The following TTBK1 variants were observed in gnomAD, a reference collection of about 807,000 sequenced individuals.
TTBK1 encodes the protein tau tubulin kinase 1.
TTBK1 carries 34 observed loss-of-function variants against 108.5 expected under a neutral mutation model. The ratio of observed to expected loss-of-function variants is 0.31; its 90% CI spans 0.24 to 0.42. The LOEUF is 0.42. Ranked by LOEUF, TTBK1 falls within the 10% of genes least tolerant of loss-of-function variation. The probability of loss-of-function intolerance (pLI) is 1.00; values close to 1 mark genes in which losing one functional copy is unlikely to be tolerated. For synonymous variants in TTBK1, 809 were observed against 795.1 expected, an observed-to-expected ratio of 1.02 and a Z score of -0.29; for missense variants, 1,539 against 1,826.0, an observed-to-expected ratio of 0.84 and a Z score of 2.86.
In TTBK1 at chr6:43,283,934, C is replaced by T. The variant is rs764477442; in HGVS notation, c.3194C>T (p.Thr1065Met). The change falls in exon 14 of 15, where the codon ACG becomes ATG. Residue 1065 changes from threonine (T) to methionine (M), a missense_variant. Thr to Met is a moderately conservative substitution (Grantham distance 81). Transcript: ENST00000259750. This position sits in a 1 kb window ranked among gnomAD's most constrained non-coding sequence, Gnocchi z 8.1. The stretch of plus-strand genomic sequence containing the variant: ...CCTGTCCTGCTCTCTGAGGAGGACA[C>T]GGGCTCGGAGCCCTCAGGCTCACTG... ...RIPVLLSEEDTGSEPSGSLSA... is the reference protein window; with the variant it reads ...RIPVLLSEEDMGSEPSGSLSA... 87 of 1,612,692 alleles carry T rather than the reference C, an allele frequency of 5.4e-5. No homozygotes were observed. Among genetic ancestry groups the T allele is most frequent in the Middle Eastern group, 1.6e-4 (1 of 6,082 alleles).
chr6:43,254,136 A>G (rs1777322292), intron 5 of TTBK1, among the ~76,000 whole-genome samples: 1 of 152,216 alleles, frequency 6.6e-6, no homozygotes, highest in African/African-American at 2.4e-5. Flanking sequence ...ACTTAAAGAG[A>G]TGAAAACTGA....
At chr6:43,284,860 G>A (rs1778316194) in intron 14 of TTBK1, 123 bp from the exon 15 acceptor site, 1 of 1,369,600 alleles carries the variant, frequency 7.3e-7, no homozygotes, top group Non-Finnish European at 9.4e-7. Context: ...CTGTGCCATG[G>A]TCTCAGTCTC....
Position 43,283,627 on chromosome 6 carries a change from G to C in TTBK1, c.2887G>C (p.Glu963Gln), listed in dbSNP as rs535038564. 1.8e-4 allele frequency: 286 copies of C among 1,614,116 alleles called. 7 individuals carry two copies. The Middle Eastern group carries it at 2.5e-3, about 14-fold the overall frequency. ...EFSAGGELGL[E>Q]LASDGGAVEE... The stretch of plus-strand genomic sequence containing the variant: ...CAGCGCTGGGGGCGAGCTGGGTCTG[G>C]AGCTGGCCTCTGATGGGGGCGCTGT... Residue 963 changes from glutamate (E) to glutamine (Q), a missense_variant, in exon 14 of 15, where the codon GAG becomes CAG. Glu to Gln is a conservative substitution (Grantham distance 29). This residue lies in a region of TTBK1 where 1,055 missense variants were observed against 1,086.5 expected (regional missense o/e 0.97). Coordinates refer to ENST00000259750, the MANE Select transcript of TTBK1 (RefSeq NM_032538.3). This position sits in a 1 kb window ranked among gnomAD's most constrained non-coding sequence, Gnocchi z 8.1.
intron 2 of TTBK1, among the ~76,000 whole-genome samples, chr6:43,249,671 G>T (rs113461790): frequency 0.059 from 8,892 of 151,894 alleles, 336 homozygotes; most frequent in Admixed American, 0.086. Flanking sequence ...CTGCCTCCCA[G>T]ATTCAAGCAA....
chr6:43,248,858 C>A (rs563942933), intron 2 of TTBK1, among the ~76,000 whole-genome samples: 1 of 152,246 alleles, frequency 6.6e-6, no homozygotes, highest in Admixed American at 6.5e-5. Context: ...TTGAGGGGTG[C>A]TTCTCAGAAT....
Position 43,269,596 on chromosome 6 carries a change from T to G in TTBK1, c.1986+6246T>G, listed in dbSNP as rs1777770996. The G allele has an allele frequency of 6.4e-7, 1 of 1,561,088 alleles. No homozygotes were observed. Among genetic ancestry groups the G allele is most frequent in the Non-Finnish European group, 8.7e-7 (1 of 1,150,094 alleles). ...TGGCCCCGGAGACGGAGCTGTCGAG[T>G]CTGTGCCTGACACCTCTTTTCCCTC... On this transcript the variant is annotated intron_variant, in intron 13 of 14. Transcript: ENST00000259750. The surrounding 1 kb of genome is among the most constrained non-coding windows in gnomAD (Gnocchi z 4.8).
chr6:43,274,149 A>G (rs1343287113), intron 13 of TTBK1, among the ~76,000 whole-genome samples: 2 of 152,168 alleles, frequency 1.3e-5, no homozygotes, highest in African/African-American at 4.8e-5. Flanking sequence ...ATAACTCAAT[A>G]TACATCCCCC....
intron 7 of TTBK1, 86 bp from the exon 8 acceptor site, chr6:43,255,466 G>A: frequency 7.7e-7 from 1 of 1,292,196 alleles, no homozygotes; most frequent in Non-Finnish European, 1.1e-6. Context: ...AGGCCTCCCT[G>A]ACAGATGCCC....
chr6:43,270,696 C>T (rs779345725), intron 13 of TTBK1: 6 of 985,242 alleles, frequency 6.1e-6, no homozygotes, highest in African/African-American at 1.7e-5. Context: ...TGTCTGTCCT[C>T]GGCTCCTCAG....
chr6:43,258,062 A>T, intron 10 of TTBK1, 96 bp downstream of exon 10: 1 of 1,388,762 alleles, frequency 7.2e-7, no homozygotes, highest in Non-Finnish European at 9.6e-7. Flanking sequence ...ATCTGGACAC[A>T]CTTGGCTATC....
Position 43,285,199 on chromosome 6 carries a change from G to A in TTBK1, c.3789G>A (p.Ser1263=). The A allele has an allele frequency of 2.2e-6, 3 of 1,338,522 alleles. No homozygotes were observed. The highest frequency in any genetic ancestry group is 4.0e-5 in the South Asian group (2 of 49,948). The allele number at this position is 1,338,522 out of a possible 1,614,324, so 82.9% of individuals were successfully genotyped here. The part of the protein sequence containing the change: ...SLSRRESPSP[S]HQARPGVPPP... The stretch of plus-strand genomic sequence containing the variant: ...CCCGCAGAGAGAGCCCCTCCCCCTC[G>A]CACCAGGCCCGGCCCGGGGTCCCCC... Residue 1263 remains serine (S), a synonymous_variant, in exon 15 of 15, where the codon TCG becomes TCA. Transcript: ENST00000259750. This position sits in a 1 kb window ranked among gnomAD's most constrained non-coding sequence, Gnocchi z 4.7.
rs1562086801 is a variant in TTBK1 at position 43,259,087 on chromosome 6, G to A, written c.1066G>A (p.Glu356Lys). Residue 356 changes from glutamate to lysine, a missense_variant, in exon 11 of 15, where the codon GAG becomes AAG. Physicochemically the swap from Glu to Lys is moderately conservative, Grantham distance 56. This residue lies in a region of TTBK1 where 277 missense variants were observed against 332.4 expected (regional missense o/e 0.83). Transcript: ENST00000259750. The surrounding 1 kb of genome is among the most constrained non-coding windows in gnomAD (Gnocchi z 6.7). ...VPGDLLRENT[E>K]DVLQGEHLSD... ...TGGGGACCTGCTCCGGGAGAACACC[G>A]AGGATGTGCTACAGGGAGAGCACCT... 9 of 1,614,044 alleles carry A rather than the reference G, an allele frequency of 5.6e-6. No individual in the cohort carries two copies. Among genetic ancestry groups the A allele is most frequent in the Non-Finnish European group, 7.6e-6 (9 of 1,179,954 alleles).
In TTBK1 at chr6:43,253,421, A is replaced by G. The variant is rs1489162353; in HGVS notation, c.330+57A>G. The G allele has an allele frequency of 2.1e-5, 34 of 1,607,710 alleles. No individual in the cohort carries two copies. The highest frequency in any genetic ancestry group is 2.8e-5 in the Non-Finnish European group (33 of 1,175,530). ...CTCTAAGAGCTTGGGCTGTGACTCC[A>G]GGGTAGGGGAAGGGAAGGTAGACTG... On this transcript the variant is annotated intron_variant, in intron 4 of 14. Transcript: ENST00000259750. This position sits in a 1 kb window ranked among gnomAD's most constrained non-coding sequence, Gnocchi z 5.8.
chr6:43,265,361 C>T lies in TTBK1; in HGVS notation c.1986+2011C>T, dbSNP rs1777648941. ...CAGACCCCATCCCTATCTAGAGGTCCCTTCTAGAAGAGAGGACCTCTGAGC... is the reference window on the plus strand; with the variant it reads ...CAGACCCCATCCCTATCTAGAGGTCTCTTCTAGAAGAGAGGACCTCTGAGC... On this transcript the variant is annotated intron_variant, in intron 13 of 14. Transcript: ENST00000259750. This position sits in a 1 kb window ranked among gnomAD's most constrained non-coding sequence, Gnocchi z 4.1. Among the ~76,000 whole-genome samples the T allele has an allele frequency of 6.6e-6, 1 of 152,154 alleles. No homozygotes were observed. Among genetic ancestry groups the T allele is most frequent in the Admixed American group, 6.5e-5 (1 of 15,278 alleles).
intron 13 of TTBK1, among the ~76,000 whole-genome samples, chr6:43,275,300 C>T (rs1346196952): frequency 1.3e-5 from 2 of 151,960 alleles, no homozygotes; most frequent in African/African-American, 2.4e-5. Flanking sequence ...GGACTTCGGC[C>T]CCGCCGCGCT....
chr6:43,285,427 C>A lies in TTBK1; in HGVS notation c.*51C>A. 2 of 1,249,830 alleles carry A rather than the reference C, an allele frequency of 1.6e-6. No individual in the cohort carries two copies. The highest frequency in any genetic ancestry group is 2.0e-6 in the Non-Finnish European group (2 of 1,000,252). 77.4% of individuals were successfully genotyped at this position (1,249,830 alleles called of 1,614,324 possible). A position where few individuals can be genotyped will look rare whatever the true frequency, so the allele number is the denominator to read the frequency against. ...CCCACCCTCACCCCGGCCCCCCACC[C>A]GCAGCCGGCCACACTGGAGCAGCTC... On this transcript the variant is annotated 3_prime_UTR_variant, in exon 15 of 15. Transcript: ENST00000259750. The surrounding 1 kb of genome is among the most constrained non-coding windows in gnomAD (Gnocchi z 4.7).
At position 43,276,143 on chromosome 6, in the gene TTBK1, T is replaced by A. The variant is rs1333291525; in HGVS notation, c.1987-6584T>A. 6.6e-6 allele frequency among the ~76,000 whole-genome samples: 1 copy of A among 151,872 alleles called. No individual in the cohort carries two copies. Among genetic ancestry groups the A allele is most frequent in the Non-Finnish European group, 1.5e-5 (1 of 67,962 alleles). ...TCCCAGTCGGTTTATTCCTGAGCCT[T>A]CCCCTCCCATCGTAAGTCCTTCCCT... is the stretch of plus-strand genomic sequence containing the variant. On this transcript the variant is annotated intron_variant, in intron 13 of 14. Transcript: ENST00000259750. This position sits in a 1 kb window ranked among gnomAD's most constrained non-coding sequence, Gnocchi z 5.4.
chr6:43,270,042 ACACT>A, intron 13 of TTBK1: 7 of 1,421,030 alleles, frequency 4.9e-6, no homozygotes, highest in South Asian at 1.5e-5. Context: ...CAATAATCAC[ACACT>A]CACACATCCC....
Position 43,282,942 on chromosome 6 carries a change from AGAGGAG to A in TTBK1, c.2214_2219del (p.Glu739_Glu740del), listed in dbSNP as rs752058712. ...AGCCTCAGGCTAATGGGAAGGAGGAAGAGGAGGAGGAGGAGGAAGATGAGGAAGAGG... is the reference window on the plus strand; with the variant it reads ...AGCCTCAGGCTAATGGGAAGGAGGAAGAGGAGGAGGAAGATGAGGAAGAGG... On this transcript the variant is annotated inframe_deletion, in exon 14 of 15. Coordinates refer to ENST00000259750, the MANE Select transcript of TTBK1 (RefSeq NM_032538.3). This position sits in a 1 kb window ranked among gnomAD's most constrained non-coding sequence, Gnocchi z 5.4. 1 of 1,579,946 alleles carries A rather than the reference AGAGGAG, an allele frequency of 6.3e-7. No individual in the cohort carries two copies. The highest frequency in any genetic ancestry group is 8.7e-7 in the Non-Finnish European group (1 of 1,153,050).
Sources: gnomAD v4.1 joint callset for allele counts (sites outside exome capture counted in the v4.1 genomes callset) on GRCh38, gnomAD v4.1.1 for gene constraint, gnomAD v4.1.1 regional missense constraint, Gnocchi (gnomAD v3.1) non-coding constraint, MANE v1.5 for transcripts, NCBI Gene and HGNC (gene_info 2026-07-23, HGNC 2026-07-21) for gene names.